NOPCHAP1: variants seen among roughly 807,000 people sequenced by gnomAD.
NOPCHAP1 encodes NOP protein chaperone 1, also known as DNA damage-sensitive RNA 1.
NOPCHAP1 carries 13 observed loss-of-function variants against 14.0 expected under a neutral mutation model. That is an observed-to-expected ratio of 0.93 (90% confidence interval 0.60 to 1.47). NOPCHAP1 has a LOEUF of 1.47. NOPCHAP1 is among the 40% of genes most tolerant of loss of function. NOPCHAP1 has a pLI of 0.00. For missense variants in NOPCHAP1, 230 were observed against 226.9 expected (o/e 1.01, Z -0.09); for synonymous variants, 78 against 78.4 (o/e 1.00, Z 0.03).
Position 105,006,253 on chromosome 12 carries a change from G to A in NOPCHAP1, c.*11557G>A, listed in dbSNP as rs1176057190. On this transcript the variant is annotated 3_prime_UTR_variant, in exon 4 of 4. Coordinates refer to ENST00000552951, the MANE Select transcript of NOPCHAP1 (RefSeq NM_152318.3). ...CTATAACAATGATATTGTCTTCAAT[G>A]GTGTAATCATTCTAGAATTTCATGA... 1 of 152,018 alleles carries A rather than the reference G, an allele frequency of 6.6e-6. No individual in the cohort carries two copies. Among genetic ancestry groups the A allele is most frequent in the African/African-American group, 2.4e-5 (1 of 41,370 alleles). The allele number at this position is 152,018 out of a possible 1,614,324, so 9.4% of individuals were successfully genotyped here.
In NOPCHAP1 at chr12:104,996,267, T is replaced by C. The variant is rs1873500061; in HGVS notation, c.*1571T>C. 1 of 152,190 alleles carries C rather than the reference T, an allele frequency of 6.6e-6. No individual in the cohort carries two copies. Among genetic ancestry groups the C allele is most frequent in the South Asian group, 2.1e-4 (1 of 4,822 alleles). The allele number at this position is 152,190 out of a possible 1,614,324, so 9.4% of individuals were successfully genotyped here. A position where few individuals can be genotyped will look rare whatever the true frequency, so the allele number is the denominator to read the frequency against. Reference sequence around the variant, plus strand: ...GCATCAGTCAGTTCAGTTCATCCACTGGTACATCTGCATAGCTCCTGAACA... The same window carrying C: ...GCATCAGTCAGTTCAGTTCATCCACCGGTACATCTGCATAGCTCCTGAACA... On this transcript the variant is annotated 3_prime_UTR_variant, in exon 4 of 4. Transcript: ENST00000552951.
At chr12:104,989,400 G>A (rs185512048) in intron 2 of NOPCHAP1, among the ~76,000 whole-genome samples, 3 of 152,300 alleles carry the variant, frequency 2.0e-5, no homozygotes, top group Admixed American at 2.0e-4. Context: ...AGAATTCTAG[G>A]TTGACAGTGT....
At position 105,003,635 on chromosome 12, in the gene NOPCHAP1, C is replaced by T. The variant is rs193165400; in HGVS notation, c.*8939C>T. On this transcript the variant is annotated 3_prime_UTR_variant, in exon 4 of 4. Transcript: ENST00000552951. ...TGTTGGAAGTCGCCTTTGGACGCCA[C>T]TTCTGACACCAAAAACTTAATTGTT... The T allele has an allele frequency of 4.6e-5, 7 of 152,320 alleles. No homozygotes were observed. The highest frequency in any genetic ancestry group is 3.9e-4 in the Admixed American group (6 of 15,302). 9.4% of individuals were successfully genotyped at this position (152,320 alleles called of 1,614,324 possible). A position where few individuals can be genotyped will look rare whatever the true frequency, so the allele number is the denominator to read the frequency against.
rs1873913934 is a variant in NOPCHAP1, at chr12:105,014,844, C to T, written c.*20148C>T. 6.6e-6 allele frequency: 1 copy of T among 152,128 alleles called. No homozygotes were observed. The highest frequency in any genetic ancestry group is 2.4e-5 in the African/African-American group (1 of 41,432). 9.4% of individuals were successfully genotyped at this position (152,128 alleles called of 1,614,324 possible). ...TTCCAAAGGTCAAAATGACCTCAGGCTGGAGTTGCCTTTCTGCCCTATTCT... is the reference window on the plus strand; with the variant it reads ...TTCCAAAGGTCAAAATGACCTCAGGTTGGAGTTGCCTTTCTGCCCTATTCT... On this transcript the variant is annotated 3_prime_UTR_variant, in exon 4 of 4. Transcript: ENST00000552951.
At position 105,009,144 on chromosome 12, in the gene NOPCHAP1, C is replaced by T. The variant is rs1238004563; in HGVS notation, c.*14448C>T. 1 of 152,130 alleles carries T rather than the reference C, an allele frequency of 6.6e-6. No homozygotes were observed. Among genetic ancestry groups the T allele is most frequent in the Non-Finnish European group, 1.5e-5 (1 of 68,026 alleles). 9.4% of individuals were successfully genotyped at this position (152,130 alleles called of 1,614,324 possible). A position where few individuals can be genotyped will look rare whatever the true frequency, so the allele number is the denominator to read the frequency against. On this transcript the variant is annotated 3_prime_UTR_variant, in exon 4 of 4. Coordinates refer to ENST00000552951, the MANE Select transcript of NOPCHAP1 (RefSeq NM_152318.3). Reference sequence around the variant, plus strand: ...GGAATGTTTTTCCATTTGTTTGTGTCCTCTCTGATTTCTTTGAGCAAGTTC... The same window carrying T: ...GGAATGTTTTTCCATTTGTTTGTGTTCTCTCTGATTTCTTTGAGCAAGTTC...
chr12:105,001,988 A>G lies in NOPCHAP1; in HGVS notation c.*7292A>G, dbSNP rs1011310576. On this transcript the variant is annotated 3_prime_UTR_variant, in exon 4 of 4. Coordinates refer to ENST00000552951, the MANE Select transcript of NOPCHAP1 (RefSeq NM_152318.3). Reference sequence around the variant, plus strand: ...TGGAGAATTCCTTGGATGCTCATCAATGTTGATTATTATCTCTAGAGTTAA... The same window carrying G: ...TGGAGAATTCCTTGGATGCTCATCAGTGTTGATTATTATCTCTAGAGTTAA... 3 of 152,126 alleles carry G rather than the reference A, an allele frequency of 2.0e-5. No individual in the cohort carries two copies. The East Asian group carries it at 5.8e-4, about 29-fold the overall frequency. 9.4% of individuals were successfully genotyped at this position (152,126 alleles called of 1,614,324 possible).
rs895520717 is a variant in NOPCHAP1, at chr12:105,008,672, AAG to A, written c.*13977_*13978del. The A allele has an allele frequency of 6.6e-6, 1 of 152,220 alleles. No homozygotes were observed. Among genetic ancestry groups the A allele is most frequent in the Non-Finnish European group, 1.5e-5 (1 of 68,042 alleles). The allele number at this position is 152,220 out of a possible 1,614,324, so 9.4% of individuals were successfully genotyped here. ...GTTAATTTTTGTATAAGGTGTAAGA[AAG>A]GGGTCCAGTTTCAGTTTTCTGCATA... On this transcript the variant is annotated 3_prime_UTR_variant, in exon 4 of 4. Transcript: ENST00000552951.
At chr12:104,987,851 T>G (rs904195341) in intron 1 of NOPCHAP1, among the ~76,000 whole-genome samples, 3 of 152,216 alleles carry the variant, frequency 2.0e-5, no homozygotes, top group African/African-American at 7.2e-5. Flanking sequence ...CTGTACTGTT[T>G]CCTCCGTTCT....
Position 105,012,049 on chromosome 12 carries a change from T to G in NOPCHAP1, c.*17353T>G, listed in dbSNP as rs1873838727. 1 of 152,236 alleles carries G rather than the reference T, an allele frequency of 6.6e-6. No homozygotes were observed. The highest frequency in any genetic ancestry group is 1.5e-5 in the Non-Finnish European group (1 of 68,050). The allele number at this position is 152,236 out of a possible 1,614,324, so 9.4% of individuals were successfully genotyped here. ...TGAATGTTGGCCTGTCTTGCTAGGT[T>G]GGGGAAGTTCTCGTGGATAATATCC... On this transcript the variant is annotated 3_prime_UTR_variant, in exon 4 of 4. Coordinates refer to ENST00000552951, the MANE Select transcript of NOPCHAP1 (RefSeq NM_152318.3).
At position 104,995,851 on chromosome 12, in the gene NOPCHAP1, T is replaced by G. The variant is rs1873490460; in HGVS notation, c.*1155T>G. ...GCCCACCACCATGCCCGGCTAATTT[T>G]TTTTTTTTTTGTATTTTTAGTAGAG... On this transcript the variant is annotated 3_prime_UTR_variant, in exon 4 of 4. Transcript: ENST00000552951. 6.6e-6 allele frequency: 1 copy of G among 151,932 alleles called. No individual in the cohort carries two copies. Among genetic ancestry groups the G allele is most frequent in the African/African-American group, 2.4e-5 (1 of 41,248 alleles). 9.4% of individuals were successfully genotyped at this position (151,932 alleles called of 1,614,324 possible). A position where few individuals can be genotyped will look rare whatever the true frequency, so the allele number is the denominator to read the frequency against.
chr12:104,998,677 G>A lies in NOPCHAP1; in HGVS notation c.*3981G>A, dbSNP rs1260197950. On this transcript the variant is annotated 3_prime_UTR_variant, in exon 4 of 4. Transcript: ENST00000552951. ...ATATGCACATGCCAGCAATAGCAGT[G>A]GGGTGCGGTGCACACTCATCAGCTT... 2 of 152,374 alleles carry A rather than the reference G, an allele frequency of 1.3e-5. No individual in the cohort carries two copies. The allele number at this position is 152,374 out of a possible 1,614,324, so 9.4% of individuals were successfully genotyped here.
rs976724015 is a variant in NOPCHAP1, at chr12:105,005,275, A to G, written c.*10579A>G. On this transcript the variant is annotated 3_prime_UTR_variant, in exon 4 of 4. Coordinates refer to ENST00000552951, the MANE Select transcript of NOPCHAP1 (RefSeq NM_152318.3). ...ACAAAAGCACAGATTTGTTGAAATGAAAGTACACTTCACAGAGTGGGAGCA... is the reference window on the plus strand; with the variant it reads ...ACAAAAGCACAGATTTGTTGAAATGGAAGTACACTTCACAGAGTGGGAGCA... 9.2e-5 allele frequency: 14 copies of G among 152,252 alleles called. No individual in the cohort carries two copies. The highest frequency in any genetic ancestry group is 3.4e-4 in the African/African-American group (14 of 41,458). 9.4% of individuals were successfully genotyped at this position (152,252 alleles called of 1,614,324 possible).
At position 105,006,938 on chromosome 12, in the gene NOPCHAP1, T is replaced by C. The variant is rs1462340007; in HGVS notation, c.*12242T>C. The stretch of plus-strand genomic sequence containing the variant: ...TATTTAAAACCTGTTTGAGAAGATA[T>C]CCTTTCTTCTCCATGATTTTTTTAT... On this transcript the variant is annotated 3_prime_UTR_variant, in exon 4 of 4. Transcript: ENST00000552951. The C allele has an allele frequency of 6.6e-6, 1 of 152,066 alleles. No homozygotes were observed. The highest frequency in any genetic ancestry group is 1.5e-5 in the Non-Finnish European group (1 of 68,010). 9.4% of individuals were successfully genotyped at this position (152,066 alleles called of 1,614,324 possible). A position where few individuals can be genotyped will look rare whatever the true frequency, so the allele number is the denominator to read the frequency against.
chr12:104,987,683 A>G (rs574347908), intron 1 of NOPCHAP1, among the ~76,000 whole-genome samples: 1 of 152,316 alleles, frequency 6.6e-6, no homozygotes, highest in East Asian at 1.9e-4. Context: ...CAAAATCCCC[A>G]AAAGGCTGCT....
intron 3 of NOPCHAP1, among the ~76,000 whole-genome samples, chr12:104,993,390 A>G (rs1873425126): frequency 6.6e-6 from 1 of 152,022 alleles, no homozygotes; most frequent in Non-Finnish European, 1.5e-5. Flanking sequence ...AGGATTGGTG[A>G]TTTCAGGTGC....
rs530175879 is a variant in NOPCHAP1, at chr12:105,016,884, T to G, written c.*22188T>G. ...GTGTGTGGAAAGTGCATCACTGTTG[T>G]GCTTTGGTTGTCCAACTCTTTGCTT... On this transcript the variant is annotated 3_prime_UTR_variant, in exon 4 of 4. Transcript: ENST00000552951. 3 of 152,200 alleles carry G rather than the reference T, an allele frequency of 2.0e-5. No homozygotes were observed. The highest frequency in any genetic ancestry group is 2.4e-5 in the African/African-American group (1 of 41,442). 9.4% of individuals were successfully genotyped at this position (152,200 alleles called of 1,614,324 possible). A position where few individuals can be genotyped will look rare whatever the true frequency, so the allele number is the denominator to read the frequency against.
Position 105,016,214 on chromosome 12 carries a change from T to C in NOPCHAP1, c.*21518T>C, listed in dbSNP as rs1184448814. On this transcript the variant is annotated 3_prime_UTR_variant, in exon 4 of 4. Coordinates refer to ENST00000552951, the MANE Select transcript of NOPCHAP1 (RefSeq NM_152318.3). ...GGATATCTCAGTAGTGAAAAGACTA[T>C]AGGAAATGAAGAAGTAATTCACAGA... The C allele has an allele frequency of 6.6e-6, 1 of 151,838 alleles. No homozygotes were observed. The highest frequency in any genetic ancestry group is 1.5e-5 in the Non-Finnish European group (1 of 68,020). 9.4% of individuals were successfully genotyped at this position (151,838 alleles called of 1,614,324 possible).
rs1305016397 is a variant in NOPCHAP1 at position 105,014,294 on chromosome 12, T to C, written c.*19598T>C. On this transcript the variant is annotated 3_prime_UTR_variant, in exon 4 of 4. Transcript: ENST00000552951. ...TTATAATAGATTTATATATTTTTTA[T>C]GGTAGAAATGATGAGATAGACTGGT... is the stretch of plus-strand genomic sequence containing the variant. 6.6e-6 allele frequency: 1 copy of C among 152,240 alleles called. No individual in the cohort carries two copies. The highest frequency in any genetic ancestry group is 1.5e-5 in the Non-Finnish European group (1 of 68,054). 9.4% of individuals were successfully genotyped at this position (152,240 alleles called of 1,614,324 possible).
rs1873798054 is a variant in NOPCHAP1 at position 105,010,528 on chromosome 12, T to C, written c.*15832T>C. On this transcript the variant is annotated 3_prime_UTR_variant, in exon 4 of 4. Transcript: ENST00000552951. ...CTTGTCTTCTGCTAGCTTTTGAATT[T>C]GCTTGCTCTCGCTTCTCTGGTTCTT... is the stretch of plus-strand genomic sequence containing the variant. The C allele has an allele frequency of 6.6e-6, 1 of 152,200 alleles. No individual in the cohort carries two copies. Among genetic ancestry groups the C allele is most frequent in the Non-Finnish European group, 1.5e-5 (1 of 68,042 alleles). 9.4% of individuals were successfully genotyped at this position (152,200 alleles called of 1,614,324 possible).
Sources: gnomAD v4.1 joint callset for allele counts (sites outside exome capture counted in the v4.1 genomes callset) on GRCh38, gnomAD v4.1.1 for gene constraint, MANE v1.5 for transcripts, NCBI Gene and HGNC (gene_info 2026-07-23, HGNC 2026-07-21) for gene names.